Variants in APBA1 observed in about 807,000 individuals in gnomAD.
The protein encoded by APBA1 is amyloid-beta A4 precursor protein-binding family A member 1.
Under a neutral mutation model 86.6 loss-of-function variants are expected in APBA1, and 55 were observed. The ratio of observed to expected loss-of-function variants is 0.64; its 90% confidence interval spans 0.51 to 0.80. The LOEUF (loss-of-function observed/expected upper bound fraction) is 0.80. Among genes scored for constraint, APBA1 ranks in the 30% least tolerant of loss-of-function variants. APBA1 has a pLI of 0.00. For missense variants in APBA1, 1,090 were observed against 1,183.0 expected (o/e 0.92, Z 1.15); for synonymous variants, 511 against 493.9 (o/e 1.03, Z -0.46).
Position 69,431,236 on chromosome 9 carries a change from G to A in APBA1, c.*91C>T. 1 of 989,358 alleles carries A rather than the reference G, an allele frequency of 1.0e-6. No individual in the cohort carries two copies. The highest frequency in any genetic ancestry group is 1.5e-6 in the Non-Finnish European group (1 of 682,722). The allele number at this position is 989,358 out of a possible 1,614,324, so 61.3% of individuals were successfully genotyped here. A position where few individuals can be genotyped will look rare whatever the true frequency, so the allele number is the denominator to read the frequency against. ...TAAAACCAAATGCTGGGCGCGAGAG[G>A]GGAAAGTCTCAGTGGACACAGGGAT... On this transcript the variant is annotated 3_prime_UTR_variant, in exon 13 of 13. Coordinates refer to ENST00000265381, the MANE Select transcript of APBA1 (RefSeq NM_001163.4).
chr9:69,523,796 G>A (rs541007913), intron 1 of APBA1, among the ~76,000 whole-genome samples: 1 of 151,760 alleles, frequency 6.6e-6, no homozygotes, highest in Admixed American at 6.6e-5. Context: ...GCATGCACAT[G>A]GAACATACTC....
intron 9 of APBA1, among the ~76,000 whole-genome samples, chr9:69,451,609 C>T (rs968778863): frequency 2.0e-5 from 3 of 152,146 alleles, no homozygotes; most frequent in African/African-American, 7.2e-5. Flanking sequence ...CTTGCCCCTA[C>T]AATCCCCAGA....
chr9:69,567,497 A>G (rs996954878), intron 1 of APBA1, among the ~76,000 whole-genome samples: 1 of 152,048 alleles, frequency 6.6e-6, no homozygotes, highest in Non-Finnish European at 1.5e-5. Flanking sequence ...ATATGTATAC[A>G]TGTGCCATGT....
At chr9:69,532,123 G>C (rs986980564) in intron 1 of APBA1, among the ~76,000 whole-genome samples, 4 of 152,146 alleles carry the variant, frequency 2.6e-5, no homozygotes, top group Non-Finnish European at 5.9e-5. Context: ...TGTAACAAAT[G>C]TACCACTCTG....
chr9:69,552,938 C>G (rs942979344), intron 1 of APBA1, among the ~76,000 whole-genome samples: 1 of 130,260 alleles, frequency 7.7e-6, no homozygotes, highest in Non-Finnish European at 1.6e-5. Context: ...GGGTCTTACT[C>G]TGTTGTCCAG....
chr9:69,632,379 G>A (rs1375672886), intron 1 of APBA1, among the ~76,000 whole-genome samples: 3 of 152,086 alleles, frequency 2.0e-5, no homozygotes, highest in African/African-American at 4.8e-5. Context: ...CCTTTATTGA[G>A]AGAGAGTCAG....
At chr9:69,541,344 C>T (rs537430026) in intron 1 of APBA1, among the ~76,000 whole-genome samples, 1 of 150,862 alleles carries the variant, frequency 6.6e-6, no homozygotes, top group South Asian at 2.1e-4. Flanking sequence ...ACATCCTTGC[C>T]AGGACTTGTT....
At chr9:69,581,332 C>A (rs908261058) in intron 1 of APBA1, among the ~76,000 whole-genome samples, 8 of 152,152 alleles carry the variant, frequency 5.3e-5, no homozygotes, top group African/African-American at 1.9e-4. Flanking sequence ...ATAAAACATC[C>A]TTGACATTTA....
intron 1 of APBA1, among the ~76,000 whole-genome samples, chr9:69,665,562 T>C (rs975797919): frequency 6.6e-6 from 1 of 152,206 alleles, no homozygotes; most frequent in Non-Finnish European, 1.5e-5. Flanking sequence ...GATAAACCCT[T>C]ACTAATGCAG....
intron 1 of APBA1, among the ~76,000 whole-genome samples, chr9:69,573,817 C>T (rs1837153497): frequency 6.6e-6 from 1 of 152,184 alleles, no homozygotes; most frequent in South Asian, 2.1e-4. Flanking sequence ...GCTCCATTTC[C>T]TTGGCATTCT....
intron 1 of APBA1, among the ~76,000 whole-genome samples, chr9:69,650,202 A>G (rs1823470235): frequency 6.6e-6 from 1 of 152,216 alleles, no homozygotes; most frequent in South Asian, 2.1e-4. Context: ...TCTCTGCTTC[A>G]GTGTCCTCAT....
intron 1 of APBA1, among the ~76,000 whole-genome samples, chr9:69,580,880 T>C (rs1821901646): frequency 6.6e-6 from 1 of 152,148 alleles, no homozygotes; most frequent in Non-Finnish European, 1.5e-5. Flanking sequence ...TGAAGACCCA[T>C]TAGGAGCTAA....
chr9:69,490,725 C>G (rs1201865248), intron 2 of APBA1, among the ~76,000 whole-genome samples: 1 of 152,000 alleles, frequency 6.6e-6, no homozygotes, highest in African/African-American at 2.4e-5. Flanking sequence ...GGCTAATATC[C>G]AGAGTCTACA....
intron 1 of APBA1, among the ~76,000 whole-genome samples, chr9:69,617,279 C>A (rs1432082105): frequency 6.6e-6 from 1 of 152,016 alleles, no homozygotes; most frequent in Non-Finnish European, 1.5e-5. Context: ...AAATAAATAT[C>A]ATTTTCTTTT....
intron 1 of APBA1, among the ~76,000 whole-genome samples, chr9:69,549,179 G>A (rs952415308): frequency 1.1e-4 from 16 of 152,200 alleles, no homozygotes; most frequent in Non-Finnish European, 2.1e-4. Flanking sequence ...GGGGAAGGCC[G>A]TTGCAGGCTC....
intron 11 of APBA1, among the ~76,000 whole-genome samples, chr9:69,439,392 C>G (rs1327756214): frequency 6.6e-6 from 1 of 151,658 alleles, no homozygotes; most frequent in Admixed American, 6.6e-5. Context: ...TGGTTCCATT[C>G]TCCCCGTCAC....
chr9:69,437,235 T>G (rs541622418), intron 11 of APBA1, among the ~76,000 whole-genome samples: 1,994 of 151,762 alleles, frequency 0.013, 87 homozygotes, highest in African/African-American at 0.046. Flanking sequence ...GGTCTAAAAT[T>G]ATCTTTTTTG....
intron 3 of APBA1, 64 bp from the exon 4 acceptor site, chr9:69,471,759 C>G: frequency 1.6e-6 from 2 of 1,288,038 alleles, no homozygotes; most frequent in Non-Finnish European, 2.2e-6. Context: ...TTAACACAAT[C>G]ATCCATGCAA....
At chr9:69,649,229 C>G (rs1823449544) in intron 1 of APBA1, among the ~76,000 whole-genome samples, 1 of 152,136 alleles carries the variant, frequency 6.6e-6, no homozygotes, top group African/African-American at 2.4e-5. Flanking sequence ...TCTTTTGCCC[C>G]TTTTCCAATC....
Sources: gnomAD v4.1 joint callset for allele counts (sites outside exome capture counted in the v4.1 genomes callset) on GRCh38, gnomAD v4.1.1 for gene constraint, MANE v1.5 for transcripts, NCBI Gene and HGNC (gene_info 2026-07-23, HGNC 2026-07-21) for gene names.